Variants in OPCML observed in about 807,000 individuals in gnomAD.
The protein encoded by OPCML is opioid binding protein/cell adhesion molecule like, also known as opioid-binding protein/cell adhesion molecule.
Under a neutral mutation model 37.8 loss-of-function variants are expected in OPCML, and 13 were observed. The observed-to-expected ratio is 0.34, with a 90% CI of 0.22 to 0.55. The LOEUF (loss-of-function observed/expected upper bound fraction) is 0.55. Among genes scored for constraint, OPCML ranks in the 20% least tolerant of loss-of-function variants. The pLI is 0.91. For missense variants in OPCML, 341 were observed against 435.6 expected (o/e 0.78, Z 1.93); for synonymous variants, 176 against 168.8 (o/e 1.04, Z -0.33).
chr11:133,410,634 TAAAAAAAAAAAAAAAAAA>T (rs71038527), intron 1 of OPCML, among the ~76,000 whole-genome samples: 160 of 47,010 alleles, frequency 3.4e-3, no homozygotes, highest in South Asian at 8.6e-3. Context: ...AGAAAAAAAG[TAAAAAAAAAAAAAAAAAA>T]AAAAAAAAAA....
intron 2 of OPCML, among the ~76,000 whole-genome samples, chr11:132,738,167 T>G (rs1252251437): frequency 1.3e-5 from 2 of 152,228 alleles, no homozygotes; most frequent in Non-Finnish European, 2.9e-5. Context: ...AGACATGGGC[T>G]GAGAAGCTAA....
At chr11:133,093,420 C>T (rs1210168692) in intron 1 of OPCML, among the ~76,000 whole-genome samples, 1 of 152,040 alleles carries the variant, frequency 6.6e-6, no homozygotes, top group South Asian at 2.1e-4. Flanking sequence ...TTTTAAGCCC[C>T]GCGTACATTA....
intron 4 of OPCML, among the ~76,000 whole-genome samples, chr11:132,509,957 G>GA (rs2096265359): frequency 1.3e-5 from 2 of 152,132 alleles, no homozygotes; most frequent in Admixed American, 1.3e-4. Context: ...TGTGTGCATG[G>GA]AAAAACCACA....
chr11:132,792,502 C>T (rs1937985055), intron 2 of OPCML, among the ~76,000 whole-genome samples: 1 of 152,344 alleles, frequency 6.6e-6, no homozygotes, highest in Middle Eastern at 3.4e-3. Flanking sequence ...CCGCTCTCCC[C>T]ACCCCCATTT....
At chr11:133,421,514 C>T (rs1345820504) in intron 1 of OPCML, 74 of 985,270 alleles carry the variant, frequency 7.5e-5, no homozygotes, top group Non-Finnish European at 8.7e-5. Context: ...TTTTCCTCTT[C>T]GGATTTGAAC....
At chr11:132,970,058 G>A (rs1415450909) in intron 1 of OPCML, among the ~76,000 whole-genome samples, 1 of 151,924 alleles carries the variant, frequency 6.6e-6, no homozygotes, top group Non-Finnish European at 1.5e-5. Flanking sequence ...TGACCCTCCT[G>A]GCTCTCTTGT....
intron 3 of OPCML, among the ~76,000 whole-genome samples, chr11:132,552,761 C>CCCTTTTTTTTTTTTTTTTTTT (rs1337627753): frequency 1.5e-5 from 1 of 67,480 alleles, no homozygotes; most frequent in African/African-American, 1.1e-4. Context: ...TTAAACACTA[C>CCCTTTTTTTTTTTTTTTTTTT]TCTTTTTTTT....
At chr11:133,341,455 G>A (rs1351581792) in intron 1 of OPCML, among the ~76,000 whole-genome samples, 1 of 152,122 alleles carries the variant, frequency 6.6e-6, no homozygotes, top group Non-Finnish European at 1.5e-5. Context: ...TGACTTTCAG[G>A]TGCCCTTGGG....
intron 2 of OPCML, among the ~76,000 whole-genome samples, chr11:132,834,870 T>A (rs952495049): frequency 6.6e-6 from 1 of 151,960 alleles, no homozygotes; most frequent in Non-Finnish European, 1.5e-5. Flanking sequence ...AGCAGTGCAA[T>A]GACATTAAGA....
intron 1 of OPCML, chr11:133,007,927 G>A (rs2136866558): frequency 1.0e-6 from 1 of 985,440 alleles, no homozygotes; most frequent in African/African-American, 1.7e-5. Flanking sequence ...GGTCCATTGT[G>A]CATTTATGTT....
intron 1 of OPCML, among the ~76,000 whole-genome samples, chr11:133,002,768 A>T (rs1439956589): frequency 3.4e-5 from 2 of 59,668 alleles, no homozygotes; most frequent in Non-Finnish European, 5.8e-5. Context: ...AAGAAGGACA[A>T]AGGAAAGAGA....
At chr11:132,877,864 G>A (rs890633697) in intron 2 of OPCML, among the ~76,000 whole-genome samples, 2 of 152,226 alleles carry the variant, frequency 1.3e-5, no homozygotes, top group Middle Eastern at 3.4e-3. Context: ...ATGGTCATAG[G>A]AACATTGCCT....
intron 1 of OPCML, among the ~76,000 whole-genome samples, chr11:133,010,337 A>G (rs1317393011): frequency 6.6e-6 from 1 of 152,268 alleles, no homozygotes; most frequent in Non-Finnish European, 1.5e-5. Context: ...TATTAGATAA[A>G]TGGATAATTT....
At chr11:132,614,480 G>A (rs1038155479) in intron 3 of OPCML, among the ~76,000 whole-genome samples, 2 of 152,094 alleles carry the variant, frequency 1.3e-5, no homozygotes, top group African/African-American at 4.8e-5. Context: ...GTCCCTCTGC[G>A]GGCCTCTGCA....
At chr11:132,950,013 G>C (rs191923663) in intron 1 of OPCML, among the ~76,000 whole-genome samples, 1 of 152,298 alleles carries the variant, frequency 6.6e-6, no homozygotes, top group Admixed American at 6.5e-5. Flanking sequence ...TTGGAGCTGA[G>C]CAAACAAACA....
chr11:133,114,204 T>C (rs1379332155), intron 1 of OPCML, among the ~76,000 whole-genome samples: 1 of 152,188 alleles, frequency 6.6e-6, no homozygotes, highest in Non-Finnish European at 1.5e-5. Flanking sequence ...CCCCCTGAAC[T>C]GCTCGCTCTG....
intron 1 of OPCML, among the ~76,000 whole-genome samples, chr11:133,145,334 C>T (rs906187682): frequency 1.3e-5 from 2 of 152,050 alleles, no homozygotes; most frequent in Non-Finnish European, 2.9e-5. Context: ...AAGTTAGATG[C>T]AATGTTGACT....
At chr11:132,483,620 G>A (rs1447810578) in intron 4 of OPCML, among the ~76,000 whole-genome samples, 1 of 152,130 alleles carries the variant, frequency 6.6e-6, no homozygotes, top group African/African-American at 2.4e-5. Context: ...TCAGTCCTAA[G>A]CCAAAAGAAC....
At chr11:132,905,528 C>A (rs1412915855) in intron 2 of OPCML, among the ~76,000 whole-genome samples, 2 of 152,086 alleles carry the variant, frequency 1.3e-5, no homozygotes, top group African/African-American at 4.8e-5. Flanking sequence ...CCACCACACC[C>A]AGCCTGGAAA....
Sources: gnomAD v4.1 joint callset for allele counts (sites outside exome capture counted in the v4.1 genomes callset) on GRCh38, gnomAD v4.1.1 for gene constraint, MANE v1.5 for transcripts, NCBI Gene and HGNC (gene_info 2026-07-23, HGNC 2026-07-21) for gene names.